SNX27: variants seen among roughly 807,000 people sequenced by gnomAD.
The protein encoded by SNX27 is sorting nexin-27.
SNX27 carries 22 observed loss-of-function variants against 71.6 expected under a neutral mutation model. The observed-to-expected ratio is 0.31, with a 90% CI of 0.22 to 0.44. The LOEUF (loss-of-function observed/expected upper bound fraction) is 0.44. SNX27 is among the 20% of genes least tolerant of loss of function. The pLI is 1.00. For synonymous variants in SNX27, 269 were observed against 277.2 expected (o/e 0.97, Z 0.29); for missense variants, 531 against 698.6 (o/e 0.76, Z 2.70).
intron 5 of SNX27, among the ~76,000 whole-genome samples, chr1:151,664,485 C>T (rs1670106031): frequency 6.6e-6 from 1 of 151,742 alleles, no homozygotes; most frequent in South Asian, 2.1e-4. Context: ...AGGACATTTC[C>T]CTAAGGAGTC....
At chr1:151,652,774 T>A (rs1669476800) in intron 2 of SNX27, among the ~76,000 whole-genome samples, 1 of 152,146 alleles carries the variant, frequency 6.6e-6, no homozygotes, top group Admixed American at 6.5e-5. Flanking sequence ...CTGCTGAAAT[T>A]CTGTATCTGT....
intron 11 of SNX27, chr1:151,693,914 T>C: frequency 7.3e-6 from 10 of 1,371,964 alleles, no homozygotes; most frequent in Non-Finnish European, 9.4e-6. Context: ...TGCTGTTGCT[T>C]TACTGCTGTC....
chr1:151,620,853 C>G (rs1379673431), intron 1 of SNX27, among the ~76,000 whole-genome samples: 2 of 152,060 alleles, frequency 1.3e-5, no homozygotes, highest in Non-Finnish European at 2.9e-5. Flanking sequence ...CCATGCCCAG[C>G]TGAATTGTTT....
intron 1 of SNX27, among the ~76,000 whole-genome samples, chr1:151,625,698 TCACTTGAAC>T (rs1667896096): frequency 6.8e-6 from 1 of 148,100 alleles, no homozygotes; most frequent in Non-Finnish European, 1.5e-5. Flanking sequence ...AGCGGGAGAA[TCACTTGAAC>T]CGGGGCGGTG....
intron 10 of SNX27, 180 bp from the exon 11 acceptor site, chr1:151,693,243 GT>G: frequency 1.1e-6 from 1 of 903,754 alleles, no homozygotes; most frequent in Non-Finnish European, 1.7e-6. Flanking sequence ...TTGGCTCGTA[GT>G]TACCACTAGA....
intron 2 of SNX27, among the ~76,000 whole-genome samples, chr1:151,654,441 T>C (rs1228685707): frequency 1.3e-5 from 2 of 152,006 alleles, no homozygotes; most frequent in Non-Finnish European, 2.9e-5. Context: ...AGCCGACCTC[T>C]GCTTGGTAAC....
At chr1:151,628,270 G>A (rs914141202) in intron 1 of SNX27, among the ~76,000 whole-genome samples, 3 of 152,120 alleles carry the variant, frequency 2.0e-5, no homozygotes, top group Admixed American at 6.6e-5. Flanking sequence ...GCCTACCTAA[G>A]TACTGGGATT....
At chr1:151,692,683 C>A in intron 9 of SNX27, 99 bp downstream of exon 9, 1 of 1,517,888 alleles carries the variant, frequency 6.6e-7, no homozygotes. Context: ...GAAATGAAAT[C>A]AAAACTGTAT....
chr1:151,664,994 A>G (rs1670127843), intron 5 of SNX27, among the ~76,000 whole-genome samples: 1 of 152,214 alleles, frequency 6.6e-6, no homozygotes, highest in South Asian at 2.1e-4. Context: ...CAGTTCCTCT[A>G]TCACATAATG....
intron 2 of SNX27, among the ~76,000 whole-genome samples, chr1:151,651,426 A>T (rs1297342718): frequency 7.2e-6 from 1 of 139,006 alleles, no homozygotes; most frequent in Non-Finnish European, 1.5e-5. Flanking sequence ...CCGGGCGGAG[A>T]CGCTCCTCAC....
intron 1 of SNX27, among the ~76,000 whole-genome samples, chr1:151,633,891 G>T (rs1404263086): frequency 6.6e-6 from 1 of 151,644 alleles, no homozygotes; most frequent in Non-Finnish European, 1.5e-5. Context: ...ATAGACATTG[G>T]GTTGTTTTTT....
chr1:151,698,557 T>G lies in SNX27; in HGVS notation c.*4140T>G, dbSNP rs1230903622. On this transcript the variant is annotated 3_prime_UTR_variant, in exon 12 of 12. Coordinates refer to ENST00000458013, the MANE Select transcript of SNX27 (RefSeq NM_001330723.2). ...CAGAGAGAGGGAGGGAGAAGAGAGA[T>G]AGTGGGTATGCTTCTCTAGCTCCCC... 6.6e-6 allele frequency: 1 copy of G among 152,300 alleles called. No homozygotes were observed. Among genetic ancestry groups the G allele is most frequent in the African/African-American group, 2.4e-5 (1 of 41,458 alleles). The allele number at this position is 152,300 out of a possible 1,614,324, so 9.4% of individuals were successfully genotyped here.
At chr1:151,688,445 A>G (rs1271613750) in intron 8 of SNX27, among the ~76,000 whole-genome samples, 1 of 152,194 alleles carries the variant, frequency 6.6e-6, no homozygotes, top group African/African-American at 2.4e-5. Flanking sequence ...CAGCCTGGCC[A>G]GCATGGTGAA....
intron 1 of SNX27, among the ~76,000 whole-genome samples, chr1:151,617,893 T>C (rs1245572593): frequency 6.6e-6 from 1 of 151,018 alleles, no homozygotes; most frequent in African/African-American, 2.4e-5. Context: ...TTTTTTTTTT[T>C]TTTTTTTTAA....
intron 7 of SNX27, chr1:151,679,620 G>A (rs1461339907): frequency 1.3e-5 from 2 of 152,152 alleles, no homozygotes; most frequent in African/African-American, 2.4e-5. Context: ...AGGAAAAATT[G>A]GTGATAGGTA....
chr1:151,681,235 CTTT>C (rs762924986), intron 7 of SNX27, among the ~76,000 whole-genome samples: 1,081 of 60,594 alleles, frequency 0.018, 13 homozygotes, highest in Admixed American at 0.084. Context: ...GTCTCTCAAT[CTTT>C]TTTTTTTTTT....
chr1:151,690,834 C>T (rs1671406163), intron 8 of SNX27, among the ~76,000 whole-genome samples: 1 of 152,136 alleles, frequency 6.6e-6, no homozygotes, highest in Admixed American at 6.5e-5. Context: ...ACTGAGGCAC[C>T]TGGGATTAAG....
In SNX27 at chr1:151,696,377, G is replaced by A. The variant is rs1232603048; in HGVS notation, c.*1960G>A. The A allele has an allele frequency of 6.6e-6, 1 of 152,178 alleles. No homozygotes were observed. Among genetic ancestry groups the A allele is most frequent in the Non-Finnish European group, 1.5e-5 (1 of 68,036 alleles). 9.4% of individuals were successfully genotyped at this position (152,178 alleles called of 1,614,324 possible). On this transcript the variant is annotated 3_prime_UTR_variant, in exon 12 of 12. Coordinates refer to ENST00000458013, the MANE Select transcript of SNX27 (RefSeq NM_001330723.2). The stretch of plus-strand genomic sequence containing the variant: ...AACTGGGAGACAGTCATAATTGGTT[G>A]TAGTCAATTCTACTAAGCAGTGTTG...
At chr1:151,679,258 G>GT (rs767648992) in intron 7 of SNX27, 1 of 152,132 alleles carries the variant, frequency 6.6e-6, no homozygotes, top group Non-Finnish European at 1.5e-5. Flanking sequence ...ATCATTGATT[G>GT]TAAGATACAT....
Sources: allele counts gnomAD v4.1 joint callset (sites outside exome capture counted in the v4.1 genomes callset), GRCh38; gene constraint gnomAD v4.1.1; transcripts MANE v1.5; gene names NCBI Gene and HGNC (gene_info 2026-07-23, HGNC 2026-07-21).